CNTNAP5: variants seen among roughly 807,000 people sequenced by gnomAD.
CNTNAP5 encodes contactin associated protein family member 5, also known as contactin-associated protein-like 5.
CNTNAP5 carries 72 observed loss-of-function variants against 150.2 expected under a neutral mutation model. That is an observed-to-expected ratio of 0.48 (90% CI 0.40 to 0.58). The LOEUF (loss-of-function observed/expected upper bound fraction) is 0.58. Ranked by LOEUF, CNTNAP5 falls within the 20% of genes least tolerant of loss-of-function variation. The pLI is 0.00. For synonymous variants in CNTNAP5, 672 were observed against 619.8 expected (o/e 1.08, Z -1.25); for missense variants, 1,636 against 1,626.2 (o/e 1.01, Z -0.10).
intron 11 of CNTNAP5, among the ~76,000 whole-genome samples, chr2:124,607,126 C>T (rs1162372674): frequency 1.3e-5 from 2 of 152,186 alleles, no homozygotes; most frequent in South Asian, 2.1e-4. Context: ...TGATTAGCTA[C>T]CTATTGTAAT....
chr2:124,740,418 G>A (rs972505521), intron 13 of CNTNAP5, among the ~76,000 whole-genome samples: 1 of 152,144 alleles, frequency 6.6e-6, no homozygotes, highest in Non-Finnish European at 1.5e-5. Context: ...TGACAGCCAA[G>A]CACCGTGTTT....
chr2:124,903,700 G>C (rs1678464364), intron 22 of CNTNAP5, among the ~76,000 whole-genome samples: 1 of 151,972 alleles, frequency 6.6e-6, no homozygotes, highest in African/African-American at 2.4e-5. Flanking sequence ...AACTATTTTA[G>C]CAAATGTCAA....
At chr2:124,403,324 C>T (rs892809220) in intron 3 of CNTNAP5, among the ~76,000 whole-genome samples, 3 of 152,080 alleles carry the variant, frequency 2.0e-5, no homozygotes, top group African/African-American at 7.2e-5. Flanking sequence ...AAGAGTATTG[C>T]ATGTATTGAA....
chr2:124,590,007 T>C (rs1309274036), intron 11 of CNTNAP5, among the ~76,000 whole-genome samples: 1 of 152,112 alleles, frequency 6.6e-6, no homozygotes, highest in Non-Finnish European at 1.5e-5. Flanking sequence ...AATGCTGTTA[T>C]TATGGGAGTG....
intron 3 of CNTNAP5, among the ~76,000 whole-genome samples, chr2:124,338,067 G>C (rs1689521762): frequency 6.6e-6 from 1 of 152,002 alleles, no homozygotes; most frequent in African/African-American, 2.4e-5. Flanking sequence ...AGTTCTCCTT[G>C]AAGAGGTCCT....
chr2:124,339,319 T>C (rs940468540), intron 3 of CNTNAP5, among the ~76,000 whole-genome samples: 4 of 152,166 alleles, frequency 2.6e-5, no homozygotes. Context: ...TCATATTTTA[T>C]ATGTCTCCAG....
chr2:124,061,568 T>C (rs544400916), intron 1 of CNTNAP5, among the ~76,000 whole-genome samples: 1 of 152,314 alleles, frequency 6.6e-6, no homozygotes, highest in Non-Finnish European at 1.5e-5. Flanking sequence ...TAGGTGCTTT[T>C]CTTTTCCAGC....
intron 1 of CNTNAP5, among the ~76,000 whole-genome samples, chr2:124,201,273 G>A (rs1685720937): frequency 6.6e-6 from 1 of 152,180 alleles, no homozygotes; most frequent in Admixed American, 6.5e-5. Context: ...CAAAAAGGGA[G>A]AGAATAAAAT....
chr2:124,707,960 T>C (rs1679727987), intron 13 of CNTNAP5, among the ~76,000 whole-genome samples: 1 of 152,158 alleles, frequency 6.6e-6, no homozygotes, highest in Non-Finnish European at 1.5e-5. Flanking sequence ...AAAATCACTA[T>C]CAATGATGTA....
intron 21 of CNTNAP5, among the ~76,000 whole-genome samples, chr2:124,900,585 C>T (rs777930093): frequency 2.0e-5 from 3 of 151,388 alleles, no homozygotes; most frequent in Non-Finnish European, 4.4e-5. Flanking sequence ...GCTGGCATTT[C>T]CCCCGACTTA....
chr2:124,074,787 TTCA>T (rs1367136205), intron 1 of CNTNAP5, among the ~76,000 whole-genome samples: 2 of 152,126 alleles, frequency 1.3e-5, no homozygotes, highest in Non-Finnish European at 2.9e-5. Flanking sequence ...ATCAGATCTA[TTCA>T]TCATCATCAT....
intron 1 of CNTNAP5, among the ~76,000 whole-genome samples, chr2:124,052,458 C>G (rs1416603709): frequency 6.6e-6 from 1 of 152,172 alleles, no homozygotes; most frequent in Non-Finnish European, 1.5e-5. Context: ...TTACGTTATT[C>G]CCTCTCAACC....
At chr2:124,105,865 T>C (rs1683160859) in intron 1 of CNTNAP5, among the ~76,000 whole-genome samples, 1 of 152,184 alleles carries the variant, frequency 6.6e-6, no homozygotes, top group Admixed American at 6.5e-5. Flanking sequence ...TCCTAGTGAT[T>C]ATTTTTTTGA....
chr2:124,644,280 T>G (rs913799696), intron 12 of CNTNAP5, among the ~76,000 whole-genome samples: 1 of 152,218 alleles, frequency 6.6e-6, no homozygotes, highest in African/African-American at 2.4e-5. Context: ...CACAGCTGAC[T>G]TTCTTTCAGT....
intron 3 of CNTNAP5, among the ~76,000 whole-genome samples, chr2:124,369,372 G>A (rs370404244): frequency 3.3e-5 from 5 of 151,898 alleles, no homozygotes; most frequent in South Asian, 2.1e-4. Flanking sequence ...ATCTAATCTC[G>A]TGGTTCTCGA....
At chr2:124,859,159 T>C (rs1454593112) in intron 19 of CNTNAP5, among the ~76,000 whole-genome samples, 1 of 151,922 alleles carries the variant, frequency 6.6e-6, no homozygotes, top group African/African-American at 2.4e-5. Flanking sequence ...AATCTACTCA[T>C]CTGACAAAGG....
intron 1 of CNTNAP5, among the ~76,000 whole-genome samples, chr2:124,067,434 C>T (rs1193489543): frequency 6.6e-6 from 1 of 152,116 alleles, no homozygotes; most frequent in East Asian, 1.9e-4. Flanking sequence ...GCCTCTATGG[C>T]TACATTGCCA....
chr2:124,723,237 A>G (rs1280503336), intron 13 of CNTNAP5, among the ~76,000 whole-genome samples: 3 of 152,188 alleles, frequency 2.0e-5, no homozygotes, highest in Admixed American at 2.0e-4. Flanking sequence ...TTTCTTTGCT[A>G]AATATTCAAG....
At chr2:124,913,646 T>G (rs536447080) in intron 23 of CNTNAP5, among the ~76,000 whole-genome samples, 1 of 152,206 alleles carries the variant, frequency 6.6e-6, no homozygotes, top group East Asian at 1.9e-4. Context: ...GGAGAGCATG[T>G]GTTAAGATGT....
Sources: gnomAD v4.1 joint callset for allele counts (sites outside exome capture counted in the v4.1 genomes callset) on GRCh38, gnomAD v4.1.1 for gene constraint, MANE v1.5 for transcripts, NCBI Gene and HGNC (gene_info 2026-07-23, HGNC 2026-07-21) for gene names.